Variants in SPSB4 observed in about 807,000 individuals in gnomAD.
The protein encoded by SPSB4 is SPRY domain-containing SOCS box protein 4.
In SPSB4, 21 loss-of-function variants were observed where a neutral mutation model predicts 20.9. The observed-to-expected ratio is 1.01, with a 90% CI of 0.71 to 1.45. SPSB4 has a LOEUF of 1.45. Among genes scored for constraint, SPSB4 ranks in the 40% most tolerant of loss-of-function variants. SPSB4 has a pLI of 0.00. For synonymous variants in SPSB4, 207 were observed against 183.8 expected (o/e 1.13, Z -1.02); for missense variants, 399 against 399.2 (o/e 1.00, Z 0.00).
chr3:141,126,550 C>G (rs141046510), intron 2 of SPSB4, among the ~76,000 whole-genome samples: 1 of 152,138 alleles, frequency 6.6e-6, no homozygotes, highest in South Asian at 2.1e-4. Context: ...TGATATTTTT[C>G]GAAGGACACC....
chr3:141,066,289 C>G lies in SPSB4; in HGVS notation c.185C>G (p.Ser62Trp). The G allele has an allele frequency of 1.3e-6, 2 of 1,568,114 alleles. No individual in the cohort carries two copies. Among genetic ancestry groups the G allele is most frequent in the Non-Finnish European group, 8.6e-7 (1 of 1,158,262 alleles). Reference protein sequence around the residue: ...LRHAWNPEDRSLNVFVKDDDR... With the variant: ...LRHAWNPEDRWLNVFVKDDDR... ...CACGCGTGGAACCCCGAGGACCGCT[C>G]GCTCAACGTCTTCGTCAAGGACGAC... The change falls in exon 2 of 3, where the codon TCG (serine) becomes TGG (tryptophan). Residue 62 changes from serine (S) to tryptophan (W), a missense_variant. Ser to Trp is a radical substitution (Grantham distance 177, BLOSUM62 -3). Transcript: ENST00000310546.
At chr3:141,084,087 G>A (rs551190242) in intron 2 of SPSB4, among the ~76,000 whole-genome samples, 4 of 152,300 alleles carry the variant, frequency 2.6e-5, no homozygotes, top group Non-Finnish European at 4.4e-5. Context: ...TGGGAAGCCC[G>A]GCGTCGCTGG....
intron 1 of SPSB4, among the ~76,000 whole-genome samples, chr3:141,065,014 C>T (rs775118546): frequency 2.6e-5 from 4 of 152,182 alleles, no homozygotes; most frequent in African/African-American, 2.4e-5. Flanking sequence ...GAAAACCTGT[C>T]GGCAGAGTTC....
intron 2 of SPSB4, chr3:141,077,273 T>G (rs1938133815): frequency 6.6e-6 from 1 of 152,230 alleles, no homozygotes; most frequent in Non-Finnish European, 1.5e-5. Context: ...GTGCAGGCTC[T>G]CCCCGGTTCT....
chr3:141,136,306 G>T (rs570832005), intron 2 of SPSB4, among the ~76,000 whole-genome samples: 1 of 152,206 alleles, frequency 6.6e-6, no homozygotes, highest in East Asian at 1.9e-4. Context: ...TCATTCTGAT[G>T]GTGGTTTCTT....
At chr3:141,055,076 C>G (rs1043884231) in intron 1 of SPSB4, among the ~76,000 whole-genome samples, 1 of 152,102 alleles carries the variant, frequency 6.6e-6, no homozygotes, top group Non-Finnish European at 1.5e-5. Context: ...AGGCTGTGTA[C>G]GAGTATTGGA....
chr3:141,081,476 G>T (rs775720121), intron 2 of SPSB4, among the ~76,000 whole-genome samples: 1 of 152,202 alleles, frequency 6.6e-6, no homozygotes, highest in African/African-American at 2.4e-5. Flanking sequence ...AAGTGGGGGT[G>T]GGGGTAGGAG....
At chr3:141,108,287 C>A (rs1054055119) in intron 2 of SPSB4, among the ~76,000 whole-genome samples, 2 of 152,194 alleles carry the variant, frequency 1.3e-5, no homozygotes, top group South Asian at 4.1e-4. Context: ...GAATAACCCA[C>A]AAAATCAATT....
intron 2 of SPSB4, among the ~76,000 whole-genome samples, chr3:141,107,648 A>G (rs891103229): frequency 6.6e-6 from 1 of 152,212 alleles, no homozygotes; most frequent in African/African-American, 2.4e-5. Context: ...GCTAGTCTCT[A>G]AAATTGACTT....
intron 2 of SPSB4, among the ~76,000 whole-genome samples, chr3:141,131,947 A>C (rs144743720): frequency 6.6e-6 from 1 of 152,192 alleles, no homozygotes; most frequent in Admixed American, 6.5e-5. Flanking sequence ...GTTGCTCTAC[A>C]TCCTCATCAG....
At chr3:141,072,023 G>C (rs1007778782) in intron 2 of SPSB4, among the ~76,000 whole-genome samples, 1 of 152,246 alleles carries the variant, frequency 6.6e-6, no homozygotes, top group African/African-American at 2.4e-5. Context: ...TCCCGGGGTA[G>C]TGAGGTCCTC....
intron 2 of SPSB4, among the ~76,000 whole-genome samples, chr3:141,135,548 T>A (rs1174397828): frequency 6.7e-6 from 1 of 150,346 alleles, no homozygotes; most frequent in Non-Finnish European, 1.5e-5. Context: ...TGTGTCCATG[T>A]GTTCTCATTG....
rs373694893 is a variant in SPSB4 at position 141,066,695 on chromosome 3, G to C, written c.591G>C (p.Leu197=). The C allele has an allele frequency of 1.2e-5, 20 of 1,613,090 alleles. No homozygotes were observed. The South Asian group carries it at 1.5e-4, about 12-fold the overall frequency. ...TLSFIVDGQY[L]GVAFRGLKGK... ...GCTTCATCGTGGATGGCCAGTACCTGGGCGTGGCCTTCCGAGGTCTCAAGG... is the reference window on the plus strand; with the variant it reads ...GCTTCATCGTGGATGGCCAGTACCTCGGCGTGGCCTTCCGAGGTCTCAAGG... The change falls in exon 2 of 3, where the codon CTG becomes CTC. Residue 197 remains leucine (L), a synonymous_variant. Transcript: ENST00000310546.
chr3:141,147,351 G>A lies in SPSB4; in HGVS notation c.*82G>A, dbSNP rs1452677311. 1.3e-6 allele frequency: 2 copies of A among 1,586,150 alleles called. No homozygotes were observed. The highest frequency in any genetic ancestry group is 2.7e-5 in the African/African-American group (2 of 74,506). ...GTCATTCACAGTCCCATGGCACATA[G>A]GGGAAAGGATCTACCCTTCTCCTGG... is the stretch of plus-strand genomic sequence containing the variant. On this transcript the variant is annotated 3_prime_UTR_variant, in exon 3 of 3. Transcript: ENST00000310546.
At chr3:141,065,469 G>A (rs1368285103) in intron 1 of SPSB4, among the ~76,000 whole-genome samples, 2 of 152,218 alleles carry the variant, frequency 1.3e-5, no homozygotes, top group Non-Finnish European at 2.9e-5. Flanking sequence ...CTTGGCACAA[G>A]GCTTGTCCCC....
At chr3:141,095,906 CA>C (rs1938540839) in intron 2 of SPSB4, among the ~76,000 whole-genome samples, 2 of 152,106 alleles carry the variant, frequency 1.3e-5, no homozygotes, top group Non-Finnish European at 2.9e-5. Flanking sequence ...GCAAGAAGAG[CA>C]CAGGTCTTCC....
chr3:141,108,497 C>G (rs1393951537), intron 2 of SPSB4, among the ~76,000 whole-genome samples: 2 of 152,214 alleles, frequency 1.3e-5, no homozygotes, highest in Non-Finnish European at 2.9e-5. Context: ...AGTGGATAGA[C>G]CACCAGGGAG....
At chr3:141,124,121 G>C (rs145365791) in intron 2 of SPSB4, 3,877 of 152,338 alleles carry the variant, frequency 0.025, 68 homozygotes, top group Middle Eastern at 0.057. Context: ...AGAGATGCAG[G>C]CTCATTTCAG....
chr3:141,126,091 C>A (rs996185497), intron 2 of SPSB4, among the ~76,000 whole-genome samples: 19 of 152,184 alleles, frequency 1.2e-4, no homozygotes, highest in African/African-American at 4.3e-4. Flanking sequence ...CTCTATGATT[C>A]ACCACAAGAG....
Sources: gnomAD v4.1 joint callset for allele counts (sites outside exome capture counted in the v4.1 genomes callset) on GRCh38, gnomAD v4.1.1 for gene constraint, MANE v1.5 for transcripts, NCBI Gene and HGNC (gene_info 2026-07-23, HGNC 2026-07-21) for gene names.